Variants in PBX1 observed in about 807,000 individuals in gnomAD.
PBX1 encodes pre-B-cell leukemia transcription factor 1.
In PBX1, 6 loss-of-function variants were observed where a neutral mutation model predicts 53.4. That is an observed-to-expected ratio of 0.11 (90% confidence interval 0.06 to 0.22). The LOEUF is 0.22. Ranked by LOEUF, PBX1 falls within the 10% of genes least tolerant of loss-of-function variation. The probability of loss-of-function intolerance (pLI) is 1.00; values close to 1 mark genes in which losing one functional copy is unlikely to be tolerated. For missense variants in PBX1, 251 were observed against 551.4 expected (o/e 0.46, Z 5.46); for synonymous variants, 204 against 212.3 (o/e 0.96, Z 0.34).
At chr1:164,768,316 C>T (rs1057495808) in intron 2 of PBX1, among the ~76,000 whole-genome samples, 11 of 152,144 alleles carry the variant, frequency 7.2e-5, no homozygotes, top group African/African-American at 1.4e-4. Flanking sequence ...AGCTTGTATT[C>T]TTCCCACACA....
At chr1:164,662,265 G>T (rs187798821) in intron 2 of PBX1, among the ~76,000 whole-genome samples, 45 of 152,338 alleles carry the variant, frequency 3.0e-4, no homozygotes, top group African/African-American at 1.0e-3. Context: ...AGTGGAGGTT[G>T]CAGTGGGCCA....
chr1:164,870,635 C>T (rs941238896), intron 2 of PBX1, among the ~76,000 whole-genome samples: 4 of 152,132 alleles, frequency 2.6e-5, no homozygotes, highest in Non-Finnish European at 4.4e-5. Context: ...TGAGCCACTG[C>T]ACCAGGCCTC....
chr1:164,580,255 C>G (rs1289064163), intron 2 of PBX1, among the ~76,000 whole-genome samples: 2 of 152,144 alleles, frequency 1.3e-5, no homozygotes, highest in Non-Finnish European at 2.9e-5. Context: ...TAGGCCTCTG[C>G]CTATTCTGTT....
chr1:164,719,649 T>C (rs1296589312), intron 2 of PBX1, among the ~76,000 whole-genome samples: 1 of 152,060 alleles, frequency 6.6e-6, no homozygotes, highest in Non-Finnish European at 1.5e-5. Context: ...TTGAGACCTG[T>C]TGTTTTAGAT....
rs1671830224 is a variant in PBX1 at position 164,851,318 on chromosome 1, T to C, written c.*4642T>C. 1 of 206,066 alleles carries C rather than the reference T, an allele frequency of 4.9e-6. No homozygotes were observed. The highest frequency in any genetic ancestry group is 2.3e-5 in the African/African-American group (1 of 43,822). 12.8% of individuals were successfully genotyped at this position (206,066 alleles called of 1,614,324 possible). On this transcript the variant is annotated 3_prime_UTR_variant, in exon 9 of 9. Coordinates refer to ENST00000420696, the MANE Select transcript of PBX1 (RefSeq NM_002585.4). Reference sequence around the variant, plus strand: ...TTAAGCAAGAAAAGTAAAGAAAGAATGCAGAATTGTGGAGCAATGCTTTAG... The same window carrying C: ...TTAAGCAAGAAAAGTAAAGAAAGAACGCAGAATTGTGGAGCAATGCTTTAG...
chr1:164,686,644 T>G (rs933482978), intron 2 of PBX1, among the ~76,000 whole-genome samples: 2 of 152,170 alleles, frequency 1.3e-5, no homozygotes, highest in Non-Finnish European at 2.9e-5. Context: ...CACTTAATAT[T>G]CCTGCTCTCC....
At chr1:164,812,487 T>C (rs1479737381) in intron 6 of PBX1, among the ~76,000 whole-genome samples, 2 of 152,200 alleles carry the variant, frequency 1.3e-5, no homozygotes, top group Non-Finnish European at 2.9e-5. Context: ...AGATAGTCTA[T>C]TGGGATTCTG....
chr1:164,588,215 C>T (rs1655086204), intron 2 of PBX1, among the ~76,000 whole-genome samples: 1 of 152,146 alleles, frequency 6.6e-6, no homozygotes, highest in African/African-American at 2.4e-5. Context: ...GAGTGAGATA[C>T]ACCCGCCTGT....
chr1:164,560,839 T>C (rs1652987766), intron 1 of PBX1, among the ~76,000 whole-genome samples: 1 of 152,138 alleles, frequency 6.6e-6, no homozygotes, highest in African/African-American at 2.4e-5. Context: ...CATGCTCTTT[T>C]CCCCCATGCT....
At chr1:164,674,613 G>A (rs1486810610) in intron 2 of PBX1, 1 of 152,146 alleles carries the variant, frequency 6.6e-6, no homozygotes, top group Non-Finnish European at 1.5e-5. Context: ...GAACCACTAA[G>A]TACTATTAAG....
At chr1:164,724,670 ATTTTTTTTTTTTTTTTTTT>A (rs59042806) in intron 2 of PBX1, among the ~76,000 whole-genome samples, 807 of 48,250 alleles carry the variant, frequency 0.017, 31 homozygotes, top group African/African-American at 0.051. Flanking sequence ...ATAGCTGCAG[ATTTTTTTTTTTTTTTTTTT>A]TTTTTTTTTT....
At chr1:164,658,633 G>T (rs751773056) in intron 2 of PBX1, among the ~76,000 whole-genome samples, 3 of 152,140 alleles carry the variant, frequency 2.0e-5, no homozygotes, top group Admixed American at 1.3e-4. Flanking sequence ...TGGCATTCCA[G>T]CCTGCTACAT....
intron 2 of PBX1, among the ~76,000 whole-genome samples, chr1:164,790,550 C>T (rs547186238): frequency 6.6e-6 from 1 of 151,890 alleles, no homozygotes; most frequent in South Asian, 2.1e-4. Context: ...CCCTCCTTTC[C>T]TTCCTCTCAT....
In PBX1 at chr1:164,786,169, C is replaced by T. The variant is rs142664276; in HGVS notation, c.266-6325C>T. Among the ~76,000 whole-genome samples, 32 of 152,272 alleles carry T rather than the reference C, an allele frequency of 2.1e-4. No homozygotes were observed. The East Asian group carries it at 5.6e-3, about 27-fold the overall frequency. On this transcript the variant is annotated intron_variant, in intron 2 of 8. Transcript: ENST00000420696. ...CTGAGGCACAGATCCTTGGATCTCA[C>T]CAGCCCGTATCTTCCCTCCTTGATT...
chr1:164,676,984 T>TC (rs749679209), intron 2 of PBX1, among the ~76,000 whole-genome samples: 18 of 152,260 alleles, frequency 1.2e-4, no homozygotes, highest in Non-Finnish European at 2.5e-4. Flanking sequence ...CCTTTTTTTT[T>TC]CCCAACTGGA....
intron 2 of PBX1, among the ~76,000 whole-genome samples, chr1:164,643,194 G>A (rs1294791707): frequency 4.6e-5 from 7 of 152,164 alleles, no homozygotes; most frequent in Non-Finnish European, 1.0e-4. Flanking sequence ...TGCTAATGAA[G>A]CCCAAAGATA....
intron 2 of PBX1, among the ~76,000 whole-genome samples, chr1:164,760,272 C>G (rs988467542): frequency 6.6e-6 from 1 of 152,028 alleles, no homozygotes; most frequent in Admixed American, 6.6e-5. Flanking sequence ...AAATAGTGCC[C>G]CTTATTTATA....
intron 2 of PBX1, among the ~76,000 whole-genome samples, chr1:164,725,630 A>G (rs1664660359): frequency 6.6e-6 from 1 of 152,136 alleles, no homozygotes; most frequent in Admixed American, 6.6e-5. Context: ...GCTCCTAGCA[A>G]TCCTTAAACC....
At chr1:164,626,405 C>T (rs907329117) in intron 2 of PBX1, among the ~76,000 whole-genome samples, 6 of 152,088 alleles carry the variant, frequency 3.9e-5, no homozygotes, top group South Asian at 4.2e-4. Flanking sequence ...TTTCTTTGCC[C>T]GGCCTGGTCT....
Sources: gnomAD v4.1 joint callset for allele counts (sites outside exome capture counted in the v4.1 genomes callset) on GRCh38, gnomAD v4.1.1 for gene constraint, MANE v1.5 for transcripts, NCBI Gene and HGNC (gene_info 2026-07-23, HGNC 2026-07-21) for gene names.